PDS5B: variants seen among roughly 807,000 people sequenced by gnomAD.
PDS5B encodes the protein PDS5 cohesin associated factor B, also known as sister chromatid cohesion protein PDS5 homolog B.
In PDS5B, 51 loss-of-function variants were observed where a neutral mutation model predicts 184.1. The observed-to-expected ratio is 0.28, with a 90% CI of 0.22 to 0.35. The LOEUF (loss-of-function observed/expected upper bound fraction) is 0.35. Among genes scored for constraint, PDS5B ranks in the 10% least tolerant of loss-of-function variants. The pLI, the probability that PDS5B is intolerant of heterozygous loss-of-function variation, is 1.00. For synonymous variants in PDS5B, 566 were observed against 569.2 expected, an observed-to-expected ratio of 0.99 and a Z score of 0.08; for missense variants, 1,180 against 1,723.3, an observed-to-expected ratio of 0.68 and a Z score of 5.58.
In PDS5B at chr13:32,741,166, A is replaced by G; in HGVS notation, c.2475+18A>G. 1 of 1,295,432 alleles carries G rather than the reference A, an allele frequency of 7.7e-7. No homozygotes were observed. Among genetic ancestry groups the G allele is most frequent in the South Asian group, 1.3e-5 (1 of 77,538 alleles). The allele number at this position is 1,295,432 out of a possible 1,614,324, so 80.2% of individuals were successfully genotyped here. Reference sequence around the variant, plus strand: ...TGGTCAAAGTGAGTAATGTGCATAGATCTATTGATTTTAATATAATCACCA... The same window carrying G: ...TGGTCAAAGTGAGTAATGTGCATAGGTCTATTGATTTTAATATAATCACCA... On this transcript the variant is annotated intron_variant, in intron 22 of 34. Transcript: ENST00000315596.
intron 1 of PDS5B, among the ~76,000 whole-genome samples, chr13:32,606,473 G>T (rs1269961671): frequency 6.6e-6 from 1 of 152,200 alleles, no homozygotes; most frequent in Admixed American, 6.5e-5. Context: ...TGGGTAACCA[G>T]ACCTTTCTCT....
chr13:32,688,716 T>A (rs1266965070), intron 13 of PDS5B, 147 bp downstream of exon 13: 2 of 597,362 alleles, frequency 3.3e-6, no homozygotes, highest in Non-Finnish European at 6.0e-6. Flanking sequence ...TACTTGGCTA[T>A]TTTTTCAGAA....
intron 2 of PDS5B, chr13:32,650,089 A>G (rs1318991920): frequency 6.6e-6 from 1 of 152,128 alleles, no homozygotes; most frequent in Non-Finnish European, 1.5e-5. Flanking sequence ...TGTCTTTTAG[A>G]GATGTTATTT....
chr13:32,755,715 G>A (rs1227860858), intron 25 of PDS5B, 127 bp from the exon 26 acceptor site: 1 of 536,910 alleles, frequency 1.9e-6, no homozygotes. Context: ...CTGTTGGGAT[G>A]CAGAAAATAT....
chr13:32,656,530 C>G (rs1025986198), intron 3 of PDS5B, among the ~76,000 whole-genome samples: 1 of 147,466 alleles, frequency 6.8e-6, no homozygotes, highest in Non-Finnish European at 1.5e-5. Context: ...TTTTGTAATT[C>G]TTGTTGTGGA....
intron 1 of PDS5B, among the ~76,000 whole-genome samples, chr13:32,597,172 T>C (rs1474129772): frequency 6.6e-6 from 1 of 151,958 alleles, no homozygotes; most frequent in Non-Finnish European, 1.5e-5. Flanking sequence ...TAGCTGGGTC[T>C]ACAGATACGT....
At chr13:32,678,766 G>T in intron 9 of PDS5B, 69 bp from the exon 10 acceptor site, 1 of 869,108 alleles carries the variant, frequency 1.2e-6, no homozygotes, top group South Asian at 1.5e-5. Context: ...AATGTAAATT[G>T]GGTACAGATT....
chr13:32,660,531 C>G (rs138974000), intron 6 of PDS5B, among the ~76,000 whole-genome samples: 17 of 152,284 alleles, frequency 1.1e-4, no homozygotes, highest in Non-Finnish European at 2.4e-4. Context: ...TGACTGGACT[C>G]TCAGCCTAGC....
At chr13:32,748,926 T>A (rs1383032607) in intron 24 of PDS5B, among the ~76,000 whole-genome samples, 2 of 152,170 alleles carry the variant, frequency 1.3e-5, no homozygotes, top group African/African-American at 4.8e-5. Flanking sequence ...TCTTGACCAT[T>A]CTTATTGCTG....
intron 6 of PDS5B, among the ~76,000 whole-genome samples, chr13:32,661,723 C>A (rs989986834): frequency 3.3e-5 from 5 of 152,016 alleles, no homozygotes; most frequent in Non-Finnish European, 5.9e-5. Flanking sequence ...CTTGTCCAGG[C>A]CCATCCTGAA....
At chr13:32,607,996 G>C (rs1311874335) in intron 1 of PDS5B, among the ~76,000 whole-genome samples, 1 of 152,146 alleles carries the variant, frequency 6.6e-6, no homozygotes, top group Non-Finnish European at 1.5e-5. Context: ...ATTCCCCAAC[G>C]CCTTGCGCTT....
intron 11 of PDS5B, among the ~76,000 whole-genome samples, chr13:32,685,484 T>C (rs544564683): frequency 1.3e-4 from 20 of 152,342 alleles, no homozygotes; most frequent in Non-Finnish European, 2.5e-4. Flanking sequence ...GGTTGCTTGG[T>C]TCATTCATAT....
chr13:32,698,060 TTC>T, intron 15 of PDS5B, among the ~76,000 whole-genome samples: 1 of 152,064 alleles, frequency 6.6e-6, no homozygotes, highest in South Asian at 2.1e-4. Context: ...TTTTTTTTTT[TTC>T]CCTATCAGTT....
intron 13 of PDS5B, 59 bp from the exon 14 acceptor site, chr13:32,694,164 A>C: frequency 8.5e-7 from 1 of 1,171,290 alleles, no homozygotes; most frequent in Non-Finnish European, 1.3e-6. Context: ...TAGTAGTAAT[A>C]TTCTAGAAAG....
At chr13:32,660,758 C>T (rs1260855892) in intron 6 of PDS5B, among the ~76,000 whole-genome samples, 1 of 152,090 alleles carries the variant, frequency 6.6e-6, no homozygotes, top group Non-Finnish European at 1.5e-5. Flanking sequence ...GGGAGAGGAC[C>T]TGTAGGTACT....
intron 6 of PDS5B, among the ~76,000 whole-genome samples, chr13:32,665,418 T>C (rs1026872394): frequency 1.1e-4 from 16 of 151,478 alleles, no homozygotes; most frequent in Admixed American, 3.9e-4. Flanking sequence ...AGTGAAACCC[T>C]GTCTCTACTA....
At chr13:32,659,310 T>C (rs768468583) in intron 6 of PDS5B, 30 bp downstream of exon 6, 1 of 1,481,808 alleles carries the variant, frequency 6.7e-7, no homozygotes, top group Middle Eastern at 1.8e-4. Flanking sequence ...GTAATGTGTC[T>C]AATGCCCGTT....
rs764753226 is a variant in PDS5B, at chr13:32,648,762, A to C, written c.-11A>C. On this transcript the variant is annotated 5_prime_UTR_variant, in exon 2 of 35. Transcript: ENST00000315596. ...TAGTTTTCTTGTTTCAGGGGTAGAA[A>C]TATTTCTGTCATGGCTCATTCAAAG... 1 of 1,258,352 alleles carries C rather than the reference A, an allele frequency of 7.9e-7. No individual in the cohort carries two copies. 77.9% of individuals were successfully genotyped at this position (1,258,352 alleles called of 1,614,324 possible).
At chr13:32,627,608 A>G (rs1241011005) in intron 1 of PDS5B, among the ~76,000 whole-genome samples, 2 of 152,146 alleles carry the variant, frequency 1.3e-5, no homozygotes, top group South Asian at 4.1e-4. Flanking sequence ...TTCCTGGGAA[A>G]ATGAAGGAAA....
Sources: allele counts gnomAD v4.1 joint callset (sites outside exome capture counted in the v4.1 genomes callset), GRCh38; gene constraint gnomAD v4.1.1; transcripts MANE v1.5; gene names NCBI Gene and HGNC (gene_info 2026-07-23, HGNC 2026-07-21).